SLC35A3: variants seen among roughly 807,000 people sequenced by gnomAD.
SLC35A3 encodes the protein UDP-N-acetylglucosamine transporter.
SLC35A3 carries 26 observed loss-of-function variants against 39.0 expected under a neutral mutation model. That is an observed-to-expected ratio of 0.67 (90% CI 0.49 to 0.92). The LOEUF (loss-of-function observed/expected upper bound fraction) is 0.92. SLC35A3 is among the 40% of genes least tolerant of loss of function. The pLI is 0.00. For synonymous variants in SLC35A3, 135 were observed against 133.1 expected, an observed-to-expected ratio of 1.01 and a Z score of -0.10; for missense variants, 299 against 371.6, an observed-to-expected ratio of 0.80 and a Z score of 1.61.
rs1197098182 is a variant in SLC35A3 at position 99,993,639 on chromosome 1, A to T, written c.85A>T (p.Thr29Ser). The stretch of plus-strand genomic sequence containing the variant: ...GGTTCTAACAATGCGTTATTCCAGA[A>T]CTTTAAAAGAAGAAGGACCTCGTTA... ...SLVLTMRYSR[T>S]LKEEGPRYLS... Residue 29 changes from threonine to serine, a missense_variant, in exon 2 of 8, where the codon ACT becomes TCT. Physicochemically the swap from Thr to Ser is moderately conservative, Grantham distance 58 (BLOSUM62 1). Transcript: ENST00000533028. The T allele has an allele frequency of 6.2e-7, 1 of 1,613,976 alleles. No homozygotes were observed. The highest frequency in any genetic ancestry group is 8.5e-7 in the Non-Finnish European group (1 of 1,179,918).
intron 1 of SLC35A3, among the ~76,000 whole-genome samples, chr1:99,984,690 A>G (rs1490092663): frequency 9.2e-5 from 14 of 152,354 alleles, no homozygotes; most frequent in African/African-American, 3.4e-4. Context: ...ACTAGTTTAC[A>G]TTCCAGCCAG....
chr1:99,981,905 G>A (rs970486497), intron 1 of SLC35A3, among the ~76,000 whole-genome samples: 2 of 151,926 alleles, frequency 1.3e-5, no homozygotes, highest in Non-Finnish European at 2.9e-5. Context: ...TTTATACACA[G>A]ACTGAGAAAG....
In SLC35A3 at chr1:100,006,609, G is replaced by A. The variant is rs769112458; in HGVS notation, c.343-425G>A. ...CGTGGGCAGTAGACAGAGCAGGCTC[G>A]TTTTCAAGTCCCTGGAGGCCTGTGC... On this transcript the variant is annotated intron_variant, in intron 3 of 7. Coordinates refer to ENST00000533028, the MANE Select transcript of SLC35A3 (RefSeq NM_012243.3). Among the ~76,000 whole-genome samples, 81 of 152,130 alleles carry A rather than the reference G, an allele frequency of 5.3e-4. 1 individual carries two copies. Among genetic ancestry groups the A allele is most frequent in the Non-Finnish European group, 7.2e-4 (49 of 68,034 alleles).
At chr1:99,999,120 A>G (rs1229098558) in intron 2 of SLC35A3, 141 bp from the exon 3 acceptor site, 1 of 449,344 alleles carries the variant, frequency 2.2e-6, no homozygotes, top group African/African-American at 2.0e-5. Flanking sequence ...AGCATCATAA[A>G]GATATATTTT....
At chr1:100,018,771 C>T (rs1310738758) in intron 7 of SLC35A3, among the ~76,000 whole-genome samples, 3 of 152,138 alleles carry the variant, frequency 2.0e-5, no homozygotes, top group African/African-American at 4.8e-5. Flanking sequence ...TATGCCACTT[C>T]GCTGAACTCA....
intron 1 of SLC35A3, among the ~76,000 whole-genome samples, chr1:99,984,332 A>G (rs1444381398): frequency 6.6e-6 from 1 of 152,210 alleles, no homozygotes; most frequent in Non-Finnish European, 1.5e-5. Context: ...TAGGAGTGAG[A>G]ACATAATGAT....
At chr1:99,981,272 A>G (rs1479977606) in intron 1 of SLC35A3, among the ~76,000 whole-genome samples, 3 of 152,166 alleles carry the variant, frequency 2.0e-5, no homozygotes, top group Admixed American at 2.0e-4. Flanking sequence ...GTGTGTTTTC[A>G]TATATACTCT....
chr1:99,999,430 TTTC>T lies in SLC35A3; in HGVS notation c.342+18_342+20del, dbSNP rs1357868752. ...CTACTTATCAGGTACTTAAAATACA[TTTC>T]TTTCTTTTTTAAAAAAACTTTTTTC... is the stretch of plus-strand genomic sequence containing the variant. On this transcript the variant is annotated intron_variant, in intron 3 of 7. Transcript: ENST00000533028. 1 of 1,553,086 alleles carries T rather than the reference TTTC, an allele frequency of 6.4e-7. No homozygotes were observed. Among genetic ancestry groups the T allele is most frequent in the Non-Finnish European group, 8.7e-7 (1 of 1,154,898 alleles).
rs1295504536 is a variant in SLC35A3 at position 100,033,688 on chromosome 1, T to C, written c.*11212T>C. 1.3e-5 allele frequency: 2 copies of C among 152,220 alleles called. No individual in the cohort carries two copies. Among genetic ancestry groups the C allele is most frequent in the African/African-American group, 2.4e-5 (1 of 41,452 alleles). The allele number at this position is 152,220 out of a possible 1,614,324, so 9.4% of individuals were successfully genotyped here. A position where few individuals can be genotyped will look rare whatever the true frequency, so the allele number is the denominator to read the frequency against. Reference sequence around the variant, plus strand: ...ACCTTTAAATGATGTTCTTTGACTCTTATCTAATTGTCTATGTGACCGTCA... The same window carrying C: ...ACCTTTAAATGATGTTCTTTGACTCCTATCTAATTGTCTATGTGACCGTCA... On this transcript the variant is annotated 3_prime_UTR_variant, in exon 8 of 8. Coordinates refer to ENST00000533028, the MANE Select transcript of SLC35A3 (RefSeq NM_012243.3).
At position 100,035,417 on chromosome 1, in the gene SLC35A3, A is replaced by G. The variant is rs1661447421; in HGVS notation, c.*12941A>G. 6.6e-6 allele frequency: 1 copy of G among 152,216 alleles called. No homozygotes were observed. The highest frequency in any genetic ancestry group is 1.5e-5 in the Non-Finnish European group (1 of 68,042). The allele number at this position is 152,216 out of a possible 1,614,324, so 9.4% of individuals were successfully genotyped here. ...AGAACAGGACTGTTCTCTCTTGTTT[A>G]TCATTGCAGCCTTTCTAGCACAAAG... is the stretch of plus-strand genomic sequence containing the variant. On this transcript the variant is annotated 3_prime_UTR_variant, in exon 8 of 8. Coordinates refer to ENST00000533028, the MANE Select transcript of SLC35A3 (RefSeq NM_012243.3).
chr1:100,007,727 GTC>G (rs201494624), intron 4 of SLC35A3: 2,046 of 152,302 alleles, frequency 0.013, 19 homozygotes, highest in Middle Eastern at 0.058. Context: ...TCCCAGACTA[GTC>G]TCTCAAACTT....
intron 2 of SLC35A3, among the ~76,000 whole-genome samples, chr1:99,995,987 C>A (rs2101155336): frequency 6.6e-6 from 1 of 152,212 alleles, no homozygotes; most frequent in Non-Finnish European, 1.5e-5. Context: ...ATTGTGGAGC[C>A]AAAGATATCT....
Position 100,025,077 on chromosome 1 carries a change from G to C in SLC35A3, c.*2601G>C, listed in dbSNP as rs946820200. ...CAAATTGGTACCAAGCAAACTTTCT[G>C]GATGCCCAACATGATTTTCAGTAAC... is the stretch of plus-strand genomic sequence containing the variant. On this transcript the variant is annotated 3_prime_UTR_variant, in exon 8 of 8. Transcript: ENST00000533028. 2.3e-5 allele frequency: 4 copies of C among 175,268 alleles called. No individual in the cohort carries two copies. The South Asian group carries it at 8.0e-4, about 35-fold the overall frequency. The allele number at this position is 175,268 out of a possible 1,614,324, so 10.9% of individuals were successfully genotyped here. A position where few individuals can be genotyped will look rare whatever the true frequency, so the allele number is the denominator to read the frequency against.
chr1:99,988,912 A>G (rs1163757999), intron 1 of SLC35A3, among the ~76,000 whole-genome samples: 1 of 151,884 alleles, frequency 6.6e-6, no homozygotes, highest in Admixed American at 6.6e-5. Flanking sequence ...AACTACATGC[A>G]TGTAGCACCA....
Position 100,011,550 on chromosome 1 carries a change from T to G in SLC35A3, c.634+17T>G. 9.6e-7 allele frequency: 1 copy of G among 1,041,280 alleles called. No individual in the cohort carries two copies. The highest frequency in any genetic ancestry group is 1.3e-6 in the Non-Finnish European group (1 of 743,224). The allele number at this position is 1,041,280 out of a possible 1,614,324, so 64.5% of individuals were successfully genotyped here. On this transcript the variant is annotated intron_variant, in intron 5 of 7. Transcript: ENST00000533028. The stretch of plus-strand genomic sequence containing the variant: ...TTCAGCTTGGTAAGTTTTAAATGTT[T>G]TCTAATATTATTTTAAAAATGATTA...
intron 2 of SLC35A3, among the ~76,000 whole-genome samples, chr1:99,995,157 TTTC>T (rs1479730774): frequency 2.8e-5 from 4 of 141,778 alleles, no homozygotes; most frequent in African/African-American, 5.2e-5. Flanking sequence ...TCTTTCTTTC[TTTC>T]TTTTTTTTTC....
chr1:99,974,374 A>T lies in SLC35A3; in HGVS notation c.-19+4212A>T, dbSNP rs1000181834. Reference sequence around the variant, plus strand: ...TAGATAAGGGAAAGGAGGGACAGAGAGATTAAATAATTTGCTGTACTAAGT... The same window carrying T: ...TAGATAAGGGAAAGGAGGGACAGAGTGATTAAATAATTTGCTGTACTAAGT... On this transcript the variant is annotated intron_variant, in intron 1 of 7. Coordinates refer to ENST00000533028, the MANE Select transcript of SLC35A3 (RefSeq NM_012243.3). Among the ~76,000 whole-genome samples, 9 of 152,224 alleles carry T rather than the reference A, an allele frequency of 5.9e-5. No homozygotes were observed. In the East Asian group the frequency reaches 1.7e-3, roughly 29 times the overall value.
intron 7 of SLC35A3, among the ~76,000 whole-genome samples, chr1:100,022,077 C>A (rs1342912974): frequency 1.3e-5 from 2 of 152,132 alleles, no homozygotes; most frequent in Non-Finnish European, 2.9e-5. Flanking sequence ...GTTAGACATA[C>A]CTGGGTTTGA....
intron 1 of SLC35A3, among the ~76,000 whole-genome samples, chr1:99,992,083 G>A (rs1658122653): frequency 6.6e-6 from 1 of 152,144 alleles, no homozygotes; most frequent in African/African-American, 2.4e-5. Flanking sequence ...GGTAATGGTG[G>A]TTGATAGTGT....
Sources: gnomAD v4.1 joint callset for allele counts (sites outside exome capture counted in the v4.1 genomes callset) on GRCh38, gnomAD v4.1.1 for gene constraint, MANE v1.5 for transcripts, NCBI Gene and HGNC (gene_info 2026-07-23, HGNC 2026-07-21) for gene names.